CTNND2: variants seen among roughly 807,000 people sequenced by gnomAD.
CTNND2 encodes the protein catenin delta-2.
CTNND2 carries 22 observed loss-of-function variants against 144.4 expected under a neutral mutation model. The observed-to-expected ratio is 0.15, with a 90% CI of 0.11 to 0.22. The LOEUF is 0.22. Ranked by LOEUF, CTNND2 falls within the 10% of genes least tolerant of loss-of-function variation. The pLI, the probability that CTNND2 is intolerant of heterozygous loss-of-function variation, is 1.00. For synonymous variants in CTNND2, 751 were observed against 695.6 expected, an observed-to-expected ratio of 1.08 and a Z score of -1.25; for missense variants, 1,353 against 1,618.8, an observed-to-expected ratio of 0.84 and a Z score of 2.82.
intron 9 of CTNND2, among the ~76,000 whole-genome samples, chr5:11,260,314 T>C (rs2149952914): frequency 6.6e-6 from 1 of 152,316 alleles, no homozygotes; most frequent in East Asian, 1.9e-4. Context: ...AATTACAAAT[T>C]GCCACTGTAA....
chr5:11,383,328 T>A (rs1358054970), intron 7 of CTNND2, among the ~76,000 whole-genome samples: 2 of 152,158 alleles, frequency 1.3e-5, no homozygotes, highest in African/African-American at 4.8e-5. Context: ...CATGATCTGG[T>A]AACTTATTTT....
At chr5:11,601,455 C>G (rs571475707) in intron 2 of CTNND2, among the ~76,000 whole-genome samples, 1 of 151,830 alleles carries the variant, frequency 6.6e-6, no homozygotes, top group African/African-American at 2.4e-5. Flanking sequence ...AGATTTAATT[C>G]CAGTTATTAA....
At chr5:11,726,734 AC>A (rs1787044865) in intron 2 of CTNND2, among the ~76,000 whole-genome samples, 1 of 152,110 alleles carries the variant, frequency 6.6e-6, no homozygotes, top group Admixed American at 6.6e-5. Context: ...AGCATATAAC[AC>A]CCTAGTCTCT....
At chr5:11,670,874 T>C (rs1218730694) in intron 2 of CTNND2, among the ~76,000 whole-genome samples, 1 of 152,204 alleles carries the variant, frequency 6.6e-6, no homozygotes, top group African/African-American at 2.4e-5. Context: ...ATAGTGTCAA[T>C]GGTCTTTACA....
At chr5:11,056,642 G>T (rs1339383525) in intron 16 of CTNND2, among the ~76,000 whole-genome samples, 1 of 152,162 alleles carries the variant, frequency 6.6e-6, no homozygotes, top group Non-Finnish European at 1.5e-5. Context: ...AAATTCATGG[G>T]CTCATTGCAC....
intron 1 of CTNND2, among the ~76,000 whole-genome samples, chr5:11,748,687 C>T (rs1788448635): frequency 6.6e-6 from 1 of 152,064 alleles, no homozygotes; most frequent in South Asian, 2.1e-4. Flanking sequence ...AAATTACCTC[C>T]TAATGAAAAT....
intron 6 of CTNND2, among the ~76,000 whole-genome samples, chr5:11,388,683 C>T (rs746696272): frequency 7.9e-5 from 12 of 152,148 alleles, no homozygotes; most frequent in Non-Finnish European, 1.3e-4. Flanking sequence ...CTTTCACTAC[C>T]GAATTTGATT....
intron 1 of CTNND2, among the ~76,000 whole-genome samples, chr5:11,861,476 T>C (rs1043072544): frequency 1.3e-5 from 2 of 152,200 alleles, no homozygotes; most frequent in African/African-American, 2.4e-5. Flanking sequence ...ATCCAATCTG[T>C]CAGCAAATTC....
chr5:11,672,060 T>C (rs1428276526), intron 2 of CTNND2, among the ~76,000 whole-genome samples: 4 of 152,108 alleles, frequency 2.6e-5, no homozygotes, highest in Non-Finnish European at 4.4e-5. Context: ...TCTGCTGGAA[T>C]TTGCTGGAGG....
chr5:11,712,856 A>T (rs1022877413), intron 2 of CTNND2, among the ~76,000 whole-genome samples: 4 of 152,220 alleles, frequency 2.6e-5, no homozygotes, highest in African/African-American at 9.6e-5. Context: ...TTTTTACGAG[A>T]TTATTTTTTG....
intron 12 of CTNND2, 21 bp from the exon 13 acceptor site, chr5:11,117,588 T>C (rs922993084): frequency 1.3e-6 from 2 of 1,579,090 alleles, no homozygotes; most frequent in African/African-American, 1.3e-5. Context: ...AAAGGACACG[T>C]CAGCGATCTT....
rs916814494 is a variant in CTNND2 at position 11,588,707 on chromosome 5, C to A, written c.175-23651G>T. ...AATGAAAGCATTGAAAAACCAAACG[C>A]GGTTAGTTTTCACTTTTTGTCTTTT... is the stretch of plus-strand genomic sequence containing the variant. On this transcript the variant is annotated intron_variant, in intron 2 of 21. Coordinates refer to ENST00000304623, the MANE Select transcript of CTNND2 (RefSeq NM_001332.4). 19 of 957,966 alleles carry A rather than the reference C, an allele frequency of 2.0e-5. No individual in the cohort carries two copies. The African/African-American group carries it at 3.2e-4, about 16-fold the overall frequency. 59.3% of individuals were successfully genotyped at this position (957,966 alleles called of 1,614,324 possible).
intron 1 of CTNND2, among the ~76,000 whole-genome samples, chr5:11,815,483 G>A (rs1792574148): frequency 6.6e-6 from 1 of 152,126 alleles, no homozygotes; most frequent in African/African-American, 2.4e-5. Context: ...CTCAAACTGT[G>A]TTTTATGATT....
chr5:11,454,450 T>A (rs1765558621), intron 3 of CTNND2, among the ~76,000 whole-genome samples: 1 of 152,112 alleles, frequency 6.6e-6, no homozygotes, highest in Admixed American at 6.6e-5. Flanking sequence ...AATAAAAAAT[T>A]AAATTCATTA....
intron 9 of CTNND2, among the ~76,000 whole-genome samples, chr5:11,311,876 T>G (rs1163114323): frequency 7.0e-5 from 3 of 42,688 alleles, no homozygotes; most frequent in Non-Finnish European, 1.4e-4. Context: ...CCCTTCCCAC[T>G]CACACACTCC....
chr5:11,366,190 A>C (rs566531553), intron 7 of CTNND2, among the ~76,000 whole-genome samples: 1 of 152,274 alleles, frequency 6.6e-6, no homozygotes, highest in East Asian at 1.9e-4. Flanking sequence ...GAACATATAA[A>C]CTCAAAATTG....
chr5:11,694,099 T>C (rs1785032984), intron 2 of CTNND2, among the ~76,000 whole-genome samples: 1 of 152,222 alleles, frequency 6.6e-6, no homozygotes, highest in South Asian at 2.1e-4. Flanking sequence ...CAAATCAGCA[T>C]TACCATTGAG....
intron 16 of CTNND2, among the ~76,000 whole-genome samples, chr5:11,045,220 T>A (rs911862931): frequency 2.0e-5 from 3 of 152,128 alleles, no homozygotes; most frequent in African/African-American, 7.2e-5. Flanking sequence ...AGAAAATAAG[T>A]TTATTTGGAT....
intron 8 of CTNND2, among the ~76,000 whole-genome samples, chr5:11,362,765 G>A (rs1200187669): frequency 6.6e-6 from 1 of 152,092 alleles, no homozygotes; most frequent in Admixed American, 6.6e-5. Flanking sequence ...CCTCATAGGC[G>A]GTAGGAAAAA....
Sources: allele counts gnomAD v4.1 joint callset (sites outside exome capture counted in the v4.1 genomes callset), GRCh38; gene constraint gnomAD v4.1.1; transcripts MANE v1.5; gene names NCBI Gene and HGNC (gene_info 2026-07-23, HGNC 2026-07-21).